Variants in ERBB4 observed in about 807,000 individuals in gnomAD.
ERBB4 encodes erb-b2 receptor tyrosine kinase 4.
A neutral mutation model predicts 158.0 loss-of-function variants in ERBB4; 42 were observed. The ratio of observed to expected loss-of-function variants is 0.27; its 90% CI spans 0.21 to 0.34. ERBB4 has a LOEUF of 0.34. Among genes scored for constraint, ERBB4 ranks in the 10% least tolerant of loss-of-function variants. The probability of loss-of-function intolerance (pLI) is 1.00; values close to 1 mark genes in which losing one functional copy is unlikely to be tolerated. For synonymous variants in ERBB4, 583 were observed against 558.7 expected (o/e 1.04, Z -0.61); for missense variants, 1,333 against 1,624.1 (o/e 0.82, Z 3.08).
chr2:212,182,227 T>C (rs1168126914), intron 1 of ERBB4, among the ~76,000 whole-genome samples: 2 of 151,800 alleles, frequency 1.3e-5, no homozygotes, highest in Non-Finnish European at 2.9e-5. Context: ...TCCATTTTAA[T>C]GATGATGAAA....
At chr2:212,199,543 A>G (rs1037804227) in intron 1 of ERBB4, among the ~76,000 whole-genome samples, 1 of 152,178 alleles carries the variant, frequency 6.6e-6, no homozygotes, top group African/African-American at 2.4e-5. Context: ...CAAATTACTC[A>G]GGCTAGAGGT....
At chr2:212,452,766 A>C (rs1345297556) in intron 1 of ERBB4, among the ~76,000 whole-genome samples, 3 of 152,184 alleles carry the variant, frequency 2.0e-5, no homozygotes, top group African/African-American at 7.2e-5. Flanking sequence ...TTGACCAATT[A>C]ATTCCTCTCC....
chr2:212,489,140 T>A (rs1212763004), intron 1 of ERBB4, among the ~76,000 whole-genome samples: 1 of 151,656 alleles, frequency 6.6e-6, no homozygotes, highest in East Asian at 1.9e-4. Context: ...AATAGTTAAG[T>A]ATAAAATAAG....
intron 3 of ERBB4, among the ~76,000 whole-genome samples, chr2:211,838,875 A>T (rs1015441371): frequency 6.6e-6 from 1 of 152,072 alleles, no homozygotes; most frequent in African/African-American, 2.4e-5. Context: ...AACTGAAGCT[A>T]TTGAACTCTG....
chr2:211,388,651 T>G (rs573690874), intron 25 of ERBB4, among the ~76,000 whole-genome samples: 116 of 152,066 alleles, frequency 7.6e-4, no homozygotes, highest in African/African-American at 2.6e-3. Context: ...TAGATTCCCC[T>G]TATGGTATTT....
intron 1 of ERBB4, among the ~76,000 whole-genome samples, chr2:212,375,685 G>A (rs1275506288): frequency 2.0e-5 from 3 of 151,982 alleles, no homozygotes; most frequent in Non-Finnish European, 4.4e-5. Flanking sequence ...TTCCATTTTT[G>A]TACCAAAATA....
chr2:212,220,624 T>C (rs1327540172), intron 1 of ERBB4, among the ~76,000 whole-genome samples: 1 of 151,408 alleles, frequency 6.6e-6, no homozygotes, highest in Non-Finnish European at 1.5e-5. Context: ...GATGATATGT[T>C]AACAATGACC....
chr2:212,387,250 C>T (rs545646405), intron 1 of ERBB4, among the ~76,000 whole-genome samples: 3 of 152,034 alleles, frequency 2.0e-5, no homozygotes, highest in East Asian at 1.9e-4. Context: ...ATAAATAAAC[C>T]CTTAGCCTTT....
At chr2:212,245,826 CTT>C (rs1167257876) in intron 1 of ERBB4, among the ~76,000 whole-genome samples, 1 of 152,094 alleles carries the variant, frequency 6.6e-6, no homozygotes, top group Non-Finnish European at 1.5e-5. Context: ...GCCCTTTGCT[CTT>C]TTTCTTGTGC....
chr2:212,502,455 G>C (rs953768079), intron 1 of ERBB4, among the ~76,000 whole-genome samples: 1 of 152,136 alleles, frequency 6.6e-6, no homozygotes, highest in African/African-American at 2.4e-5. Context: ...ATGGCAAACA[G>C]AAGAGTAATC....
chr2:211,387,835 C>G (rs1413591032), intron 26 of ERBB4, 110 bp downstream of exon 26: 1 of 849,076 alleles, frequency 1.2e-6, no homozygotes, highest in African/African-American at 1.7e-5. Context: ...AAATTCTTAA[C>G]TCACTGTTGG....
rs371629282 is a variant in ERBB4, at chr2:212,458,594, A to G, written c.82+79855T>C. The stretch of plus-strand genomic sequence containing the variant: ...TGATTCTCTGGGCAGTGAAAGTTTT[A>G]GGTACAAGAGTCACACAATCAGGTC... On this transcript the variant is annotated intron_variant, in intron 1 of 27. Transcript: ENST00000342788. 1.0e-3 allele frequency among the ~76,000 whole-genome samples: 159 copies of G among 152,166 alleles called. 2 individuals are homozygous for G. In the South Asian group the frequency reaches 0.031, roughly 29 times the overall value.
chr2:211,984,527 A>G (rs987084394), intron 2 of ERBB4, among the ~76,000 whole-genome samples: 1 of 152,180 alleles, frequency 6.6e-6, no homozygotes, highest in Admixed American at 6.5e-5. Flanking sequence ...TCATGTGTAC[A>G]TGTGCCCGTG....
At chr2:212,290,874 C>A (rs576900212) in intron 1 of ERBB4, among the ~76,000 whole-genome samples, 1 of 152,154 alleles carries the variant, frequency 6.6e-6, no homozygotes, top group African/African-American at 2.4e-5. Flanking sequence ...AATGTCTATT[C>A]TCATTGGGCT....
intron 3 of ERBB4, among the ~76,000 whole-genome samples, chr2:211,930,178 G>A (rs532248661): frequency 3.7e-4 from 56 of 152,116 alleles, no homozygotes; most frequent in African/African-American, 8.7e-4. Context: ...AGAATTTAAG[G>A]ACTTGAAGCA....
intron 1 of ERBB4, among the ~76,000 whole-genome samples, chr2:212,281,111 T>TC (rs1457314079): frequency 1.3e-5 from 2 of 151,750 alleles, no homozygotes; most frequent in Admixed American, 1.3e-4. Context: ...TCTTTTTTTT[T>TC]CTAAAAAACA....
intron 1 of ERBB4, among the ~76,000 whole-genome samples, chr2:212,212,052 A>G (rs1385934360): frequency 6.6e-6 from 1 of 152,034 alleles, no homozygotes; most frequent in Non-Finnish European, 1.5e-5. Context: ...CCTTTGAATG[A>G]TTTGTATTCC....
At chr2:211,720,078 A>G (rs981862121) in intron 7 of ERBB4, among the ~76,000 whole-genome samples, 1 of 152,122 alleles carries the variant, frequency 6.6e-6, no homozygotes, top group Admixed American at 6.5e-5. Context: ...CCAGCTTCCC[A>G]GCGATGAGCA....
intron 1 of ERBB4, among the ~76,000 whole-genome samples, chr2:212,322,356 G>A (rs2087605151): frequency 6.7e-6 from 1 of 149,906 alleles, no homozygotes; most frequent in South Asian, 2.1e-4. Context: ...AACAGGAAAG[G>A]TGCCCAATTT....
Sources: gnomAD v4.1 joint callset for allele counts (sites outside exome capture counted in the v4.1 genomes callset) on GRCh38, gnomAD v4.1.1 for gene constraint, MANE v1.5 for transcripts, NCBI Gene and HGNC (gene_info 2026-07-23, HGNC 2026-07-21) for gene names.